Variants in PHACTR1 observed in about 807,000 individuals in gnomAD.
The protein encoded by PHACTR1 is phosphatase and actin regulator 1, also known as RPEL repeat containing 1.
In PHACTR1, 16 loss-of-function variants were observed where a neutral mutation model predicts 69.2. The observed-to-expected ratio is 0.23, with a 90% CI of 0.16 to 0.35. The LOEUF is 0.35. PHACTR1 is among the 10% of genes least tolerant of loss of function. PHACTR1 has a pLI of 1.00. For missense variants in PHACTR1, 510 were observed against 734.7 expected (o/e 0.69, Z 3.54); for synonymous variants, 312 against 284.5 (o/e 1.10, Z -0.97).
At chr6:12,932,500 A>C (rs1193462523) in intron 4 of PHACTR1, among the ~76,000 whole-genome samples, 1 of 152,234 alleles carries the variant, frequency 6.6e-6, no homozygotes, top group Non-Finnish European at 1.5e-5. Context: ...TTCTATTTAT[A>C]ATATAAGTCT....
chr6:12,966,301 A>G (rs935692415), intron 4 of PHACTR1, among the ~76,000 whole-genome samples: 4 of 152,190 alleles, frequency 2.6e-5, no homozygotes, highest in Non-Finnish European at 4.4e-5. Flanking sequence ...ATGTCATTGA[A>G]TCCTCACGAC....
chr6:12,855,622 A>G (rs62389896), intron 4 of PHACTR1, among the ~76,000 whole-genome samples: 6,376 of 152,212 alleles, frequency 0.042, 180 homozygotes, highest in Non-Finnish European at 0.062. Flanking sequence ...GATGGGAAAA[A>G]CAGACACTGG....
At chr6:12,975,359 A>G (rs1357420720) in intron 4 of PHACTR1, among the ~76,000 whole-genome samples, 2 of 152,218 alleles carry the variant, frequency 1.3e-5, no homozygotes, top group Non-Finnish European at 2.9e-5. Flanking sequence ...GGAAAGGGTG[A>G]TATGTTAATA....
intron 7 of PHACTR1, among the ~76,000 whole-genome samples, chr6:13,194,657 GTT>G (rs1213240193): frequency 6.6e-6 from 1 of 152,020 alleles, no homozygotes. Flanking sequence ...GATTTTAAAT[GTT>G]TTCACTGCCA....
chr6:13,181,902 G>GA (rs1023734897), intron 6 of PHACTR1, among the ~76,000 whole-genome samples: 1 of 151,920 alleles, frequency 6.6e-6, no homozygotes, highest in African/African-American at 2.4e-5. Flanking sequence ...GAAATTATGA[G>GA]AAAAAAATAA....
chr6:12,922,007 A>C (rs1388032340), intron 4 of PHACTR1, among the ~76,000 whole-genome samples: 1 of 152,220 alleles, frequency 6.6e-6, no homozygotes, highest in Non-Finnish European at 1.5e-5. Flanking sequence ...TGCTATCCAC[A>C]TCACAAAGTC....
chr6:12,718,740 C>T lies in PHACTR1; in HGVS notation c.-5C>T, dbSNP rs1412873330. 1 of 1,506,534 alleles carries T rather than the reference C, an allele frequency of 6.6e-7. No homozygotes were observed. Among genetic ancestry groups the T allele is most frequent in the Non-Finnish European group, 9.0e-7 (1 of 1,111,118 alleles). The allele number at this position is 1,506,534 out of a possible 1,614,324, so 93.3% of individuals were successfully genotyped here. A position where few individuals can be genotyped will look rare whatever the true frequency, so the allele number is the denominator to read the frequency against. ...TCTCAAAACTCTGTGTTTGGAACATCAAGGATGGATTATCCCAAAATGGAT... is the reference window on the plus strand; with the variant it reads ...TCTCAAAACTCTGTGTTTGGAACATTAAGGATGGATTATCCCAAAATGGAT... On this transcript the variant is annotated 5_prime_UTR_variant, in exon 3 of 15. Coordinates refer to ENST00000332995, the MANE Select transcript of PHACTR1 (RefSeq NM_030948.6).
At chr6:13,139,940 T>C (rs1187383376) in intron 5 of PHACTR1, among the ~76,000 whole-genome samples, 2 of 152,146 alleles carry the variant, frequency 1.3e-5, no homozygotes, top group Admixed American at 6.5e-5. Flanking sequence ...TCCAAAAGGG[T>C]CAAAGGAGGA....
intron 5 of PHACTR1, among the ~76,000 whole-genome samples, chr6:13,151,834 G>C (rs1824357155): frequency 6.6e-6 from 1 of 152,182 alleles, no homozygotes; most frequent in African/African-American, 2.4e-5. Context: ...TTAGCCTATG[G>C]AGGGAGAGAA....
intron 4 of PHACTR1, among the ~76,000 whole-genome samples, chr6:12,909,334 T>C (rs1487790313): frequency 1.3e-5 from 2 of 152,210 alleles, no homozygotes; most frequent in African/African-American, 2.4e-5. Context: ...ACTATTTACA[T>C]TGTGGTGCCG....
intron 4 of PHACTR1, among the ~76,000 whole-genome samples, chr6:12,899,457 G>C (rs570162067): frequency 1.3e-5 from 2 of 152,276 alleles, no homozygotes; most frequent in East Asian, 3.9e-4. Context: ...CCAGCTAATA[G>C]GGTTCCTTTA....
At chr6:12,788,520 T>G (rs754828250) in intron 4 of PHACTR1, among the ~76,000 whole-genome samples, 3 of 152,248 alleles carry the variant, frequency 2.0e-5, no homozygotes, top group Non-Finnish European at 4.4e-5. Flanking sequence ...TTATTTCACC[T>G]TGATTCACTG....
intron 5 of PHACTR1, among the ~76,000 whole-genome samples, chr6:13,076,386 G>T (rs556526250): frequency 1.4e-4 from 22 of 152,264 alleles, no homozygotes; most frequent in African/African-American, 5.1e-4. Context: ...AAATACGAAT[G>T]CCTTGGGTTA....
At chr6:13,161,588 C>T (rs959647208) in intron 6 of PHACTR1, among the ~76,000 whole-genome samples, 5 of 152,116 alleles carry the variant, frequency 3.3e-5, no homozygotes, top group African/African-American at 7.2e-5. Context: ...AATCTGCCGA[C>T]GCAGTCCATT....
intron 4 of PHACTR1, among the ~76,000 whole-genome samples, chr6:13,043,821 C>T (rs1804591339): frequency 6.6e-6 from 1 of 152,146 alleles, no homozygotes; most frequent in Non-Finnish European, 1.5e-5. Context: ...AAAGGGTCTA[C>T]GTTATTTAAA....
chr6:12,724,326 C>T (rs1199575686), intron 3 of PHACTR1, among the ~76,000 whole-genome samples: 1 of 151,930 alleles, frequency 6.6e-6, no homozygotes, highest in Non-Finnish European at 1.5e-5. Context: ...GACTCCATCT[C>T]AAAAAATAAA....
At position 12,886,799 on chromosome 6, in the gene PHACTR1, T is replaced by TC. The variant is rs906391221; in HGVS notation, c.250+137009_250+137010insC. Among the ~76,000 whole-genome samples, 230 of 152,222 alleles carry TC rather than the reference T, an allele frequency of 1.5e-3. 1 individual carries two copies. The highest frequency in any genetic ancestry group is 5.2e-3 in the African/African-American group (217 of 41,522). The stretch of plus-strand genomic sequence containing the variant: ...TCTGATACTTCCTTTCTGCAGGGAC[T>TC]TAATGATTAGGTGGCAGGTGGAATC... On this transcript the variant is annotated intron_variant, in intron 4 of 14. Coordinates refer to ENST00000332995, the MANE Select transcript of PHACTR1 (RefSeq NM_030948.6).
chr6:12,909,531 T>C (rs1786123071), intron 4 of PHACTR1, among the ~76,000 whole-genome samples: 1 of 152,252 alleles, frequency 6.6e-6, no homozygotes. Context: ...ATGAAGGGCA[T>C]GGCATCGAGC....
chr6:12,757,887 G>A (rs1442578068), intron 4 of PHACTR1, among the ~76,000 whole-genome samples: 3 of 152,076 alleles, frequency 2.0e-5, no homozygotes, highest in Non-Finnish European at 4.4e-5. Flanking sequence ...CAAGGTGGGC[G>A]GATCACCTGA....
Sources: gnomAD v4.1 joint callset for allele counts (sites outside exome capture counted in the v4.1 genomes callset) on GRCh38, gnomAD v4.1.1 for gene constraint, MANE v1.5 for transcripts, NCBI Gene and HGNC (gene_info 2026-07-23, HGNC 2026-07-21) for gene names.